ALG6: variants seen among roughly 807,000 people sequenced by gnomAD.
ALG6 encodes the protein dolichyl pyrophosphate Man9GlcNAc2 alpha-1,3-glucosyltransferase.
ALG6 carries 46 observed loss-of-function variants against 66.6 expected under a neutral mutation model. The ratio of observed to expected loss-of-function variants is 0.69; its 90% CI spans 0.55 to 0.88. ALG6 has a LOEUF of 0.88. Ranked by LOEUF, ALG6 falls within the 40% of genes least tolerant of loss-of-function variation. The probability of loss-of-function intolerance (pLI) is 0.00; values close to 1 mark genes in which losing one functional copy is unlikely to be tolerated. For missense variants in ALG6, 505 were observed against 586.8 expected (o/e 0.86, Z 1.44); for synonymous variants, 185 against 203.7 (o/e 0.91, Z 0.78).
intron 12 of ALG6, among the ~76,000 whole-genome samples, chr1:63,421,512 C>G (rs193213336): frequency 6.6e-6 from 1 of 152,120 alleles, no homozygotes; most frequent in African/African-American, 2.4e-5. Context: ...ACCTAGCAAT[C>G]CCATTACTGG....
chr1:63,425,948 G>A (rs1444928495), intron 12 of ALG6, among the ~76,000 whole-genome samples: 1 of 152,180 alleles, frequency 6.6e-6, no homozygotes, highest in Admixed American at 6.5e-5. Flanking sequence ...CAAAAGGCAG[G>A]AGATAGTGGT....
chr1:63,418,475 G>A (rs1039130752), intron 11 of ALG6, among the ~76,000 whole-genome samples: 1 of 152,028 alleles, frequency 6.6e-6, no homozygotes, highest in Non-Finnish European at 1.5e-5. Flanking sequence ...GGAGATGAAT[G>A]AAGTGGCTGC....
At chr1:63,370,029 G>C (rs940239613) in intron 1 of ALG6, among the ~76,000 whole-genome samples, 6 of 152,124 alleles carry the variant, frequency 3.9e-5, no homozygotes, top group East Asian at 3.9e-4. Flanking sequence ...TGTTGGTCAG[G>C]CTGGTCTTGA....
At chr1:63,420,272 G>A (rs1372765222) in intron 12 of ALG6, among the ~76,000 whole-genome samples, 1 of 152,108 alleles carries the variant, frequency 6.6e-6, no homozygotes, top group Non-Finnish European at 1.5e-5. Context: ...ATCCTCTGAG[G>A]CCCAAACCTG....
At chr1:63,416,262 A>C (rs1255804076) in intron 11 of ALG6, among the ~76,000 whole-genome samples, 1 of 152,168 alleles carries the variant, frequency 6.6e-6, no homozygotes, top group Non-Finnish European at 1.5e-5. Flanking sequence ...GATGGTATTA[A>C]GTTCTATCAG....
At chr1:63,409,054 A>G (rs1436771155) in intron 7 of ALG6, among the ~76,000 whole-genome samples, 1 of 152,230 alleles carries the variant, frequency 6.6e-6, no homozygotes, top group East Asian at 1.9e-4. Flanking sequence ...TGCTGGGATT[A>G]TAGGTGTGAG....
chr1:63,434,775 T>C (rs1644669017), intron 14 of ALG6, among the ~76,000 whole-genome samples: 1 of 152,166 alleles, frequency 6.6e-6, no homozygotes, highest in African/African-American at 2.4e-5. Flanking sequence ...TCTTTACATA[T>C]AGTTGGTAAT....
chr1:63,412,037 C>G lies in ALG6; in HGVS notation c.792C>G (p.Phe264Leu). The part of the protein sequence containing the change: ...EQTLQVLRRL[F>L]PVDRGLFEDK... Reference sequence around the variant, plus strand: ...CCCTGCAGGTTCTAAGAAGACTCTTCCCGGTTGATCGTGGATTATTTGAGG... The same window carrying G: ...CCCTGCAGGTTCTAAGAAGACTCTTGCCGGTTGATCGTGGATTATTTGAGG... Residue 264 changes from phenylalanine (F) to leucine (L), a missense_variant, in exon 9 of 15, where the codon TTC (phenylalanine) becomes TTG (leucine). Coordinates refer to ENST00000263440, the MANE Select transcript of ALG6 (RefSeq NM_013339.4). 1 of 1,614,094 alleles carries G rather than the reference C, an allele frequency of 6.2e-7. No individual in the cohort carries two copies. The highest frequency in any genetic ancestry group is 8.5e-7 in the Non-Finnish European group (1 of 1,179,980).
At position 63,406,413 on chromosome 1, in the gene ALG6, C is replaced by G; in HGVS notation, c.429+14C>G. ...ACTAAGAAAAAGGTAGGTTTTCAAGCAGCCTGACAGTTCGTCTCTGAAATG... is the reference window on the plus strand; with the variant it reads ...ACTAAGAAAAAGGTAGGTTTTCAAGGAGCCTGACAGTTCGTCTCTGAAATG... On this transcript the variant is annotated intron_variant, in intron 6 of 14. Coordinates refer to ENST00000263440, the MANE Select transcript of ALG6 (RefSeq NM_013339.4). 4 of 1,602,388 alleles carry G rather than the reference C, an allele frequency of 2.5e-6. No homozygotes were observed. Among genetic ancestry groups the G allele is most frequent in the Non-Finnish European group, 3.4e-6 (4 of 1,169,872 alleles).
chr1:63,368,673 G>T (rs1364561780), intron 1 of ALG6, among the ~76,000 whole-genome samples: 1 of 151,842 alleles, frequency 6.6e-6, no homozygotes, highest in African/African-American at 2.4e-5. Context: ...GCTAATTTTT[G>T]TATTTTTAGT....
At chr1:63,409,451 A>C (rs1436205743) in intron 7 of ALG6, among the ~76,000 whole-genome samples, 2 of 152,146 alleles carry the variant, frequency 1.3e-5, no homozygotes, top group Non-Finnish European at 2.9e-5. Flanking sequence ...TGAGCCTATT[A>C]GTCAGATGTT....
intron 7 of ALG6, among the ~76,000 whole-genome samples, chr1:63,408,749 C>T (rs1644502123): frequency 2.0e-5 from 3 of 152,142 alleles, no homozygotes; most frequent in Admixed American, 2.0e-4. Flanking sequence ...TGAAGGCTTT[C>T]AGGCATATGT....
rs766169939 is a variant in ALG6, at chr1:63,436,977, T to G, written c.1481T>G (p.Met494Arg). ...FFLVYFNIII[M>R]WDSKSGRNQK... ...TTGGTATACTTTAACATTATTATTA[T>G]GTGGGATTCCAAAAGTGGAAGAAAT... Residue 494 changes from methionine to arginine, a missense_variant, in exon 15 of 15, where the codon ATG becomes AGG. Physicochemically the swap from Met to Arg is moderately conservative, Grantham distance 91. Transcript: ENST00000263440. 5 of 1,613,626 alleles carry G rather than the reference T, an allele frequency of 3.1e-6. No homozygotes were observed.
intron 2 of ALG6, among the ~76,000 whole-genome samples, chr1:63,375,004 G>A (rs1204590580): frequency 1.3e-5 from 2 of 152,128 alleles, no homozygotes; most frequent in Non-Finnish European, 2.9e-5. Context: ...GAGGTCAGGA[G>A]TTCCAGACCA....
intron 9 of ALG6, among the ~76,000 whole-genome samples, chr1:63,412,887 G>GT (rs1299086113): frequency 2.0e-5 from 3 of 152,058 alleles, no homozygotes; most frequent in Non-Finnish European, 2.9e-5. Context: ...ATTTTCCTAA[G>GT]TTTTGAATAT....
chr1:63,372,157 A>G (rs563056004), intron 2 of ALG6, among the ~76,000 whole-genome samples: 1 of 152,192 alleles, frequency 6.6e-6, no homozygotes, highest in Non-Finnish European at 1.5e-5. Context: ...TATTATAAGT[A>G]TTGTATTTGA....
chr1:63,396,883 A>G (rs1249273282), intron 3 of ALG6, among the ~76,000 whole-genome samples: 1 of 152,186 alleles, frequency 6.6e-6, no homozygotes, highest in Non-Finnish European at 1.5e-5. Flanking sequence ...TGGAAGCACC[A>G]TCATAGGCTA....
At chr1:63,422,192 T>TAA (rs1179537605) in intron 12 of ALG6, among the ~76,000 whole-genome samples, 2 of 126,026 alleles carry the variant, frequency 1.6e-5, no homozygotes, top group Non-Finnish European at 3.2e-5. Flanking sequence ...TATATAAATA[T>TAA]ATATCTATAT....
intron 2 of ALG6, among the ~76,000 whole-genome samples, chr1:63,382,836 C>T (rs1303971774): frequency 1.3e-5 from 2 of 151,658 alleles, no homozygotes; most frequent in African/African-American, 4.8e-5. Flanking sequence ...CCACCACACC[C>T]AGCTCATTTT....
Sources: allele counts gnomAD v4.1 joint callset (sites outside exome capture counted in the v4.1 genomes callset), GRCh38; gene constraint gnomAD v4.1.1; transcripts MANE v1.5; gene names NCBI Gene and HGNC (gene_info 2026-07-23, HGNC 2026-07-21).